Variants in HMCN1 observed in about 807,000 individuals in gnomAD.
HMCN1 encodes the protein hemicentin 1.
In HMCN1, 321 loss-of-function variants were observed where a neutral mutation model predicts 625.9. The observed-to-expected ratio is 0.51, with a 90% CI of 0.47 to 0.56. HMCN1 has a LOEUF of 0.56. Among genes scored for constraint, HMCN1 ranks in the 20% least tolerant of loss-of-function variants. The pLI is 0.00. For synonymous variants in HMCN1, 2,425 were observed against 2,417.6 expected (o/e 1.00, Z -0.09); for missense variants, 6,588 against 6,887.3 (o/e 0.96, Z 1.54).
Position 186,045,714 on chromosome 1 carries a change from C to T in HMCN1, c.6331C>T (p.Gln2111Ter), listed in dbSNP as rs765450462. The T allele has an allele frequency of 6.2e-7, 1 of 1,613,346 alleles. No individual in the cohort carries two copies. The highest frequency in any genetic ancestry group is 8.5e-7 in the Non-Finnish European group (1 of 1,179,482). ...YVPPNIMGEE[Q>*]NVSVLISQAV... ...TCCGCCAAATATTATGGGAGAAGAA[C>T]AGAATGTCTCTGTCCTCATTAGCCA... The change falls in exon 41 of 107, where the codon CAG (glutamine) becomes TAG (stop). Residue 2111 changes from glutamine to a stop codon, truncating the protein, a stop_gained. Coordinates refer to ENST00000271588, the MANE Select transcript of HMCN1 (RefSeq NM_031935.3). LOFTEE classifies it high-confidence loss of function.
At chr1:185,866,650 C>T (rs987796589) in intron 4 of HMCN1, among the ~76,000 whole-genome samples, 3 of 151,798 alleles carry the variant, frequency 2.0e-5, no homozygotes, top group East Asian at 1.9e-4. Context: ...TCGTGATCCG[C>T]CCGCCTCGGC....
At chr1:186,118,470 A>G (rs1276958378) in intron 77 of HMCN1, among the ~76,000 whole-genome samples, 3 of 152,216 alleles carry the variant, frequency 2.0e-5, no homozygotes, top group African/African-American at 7.2e-5. Context: ...TAGAACTTTC[A>G]AAATATTAAA....
intron 102 of HMCN1, among the ~76,000 whole-genome samples, chr1:186,173,510 G>T (rs1027900418): frequency 6.6e-6 from 1 of 151,640 alleles, no homozygotes; most frequent in South Asian, 2.1e-4. Flanking sequence ...GCATGGTGGC[G>T]CATGCCTATA....
intron 106 of HMCN1, among the ~76,000 whole-genome samples, chr1:186,188,707 T>C (rs1653514431): frequency 6.6e-6 from 1 of 152,152 alleles, no homozygotes; most frequent in South Asian, 2.1e-4. Context: ...TTCCTCTTGG[T>C]AATGCTTACC....
At chr1:185,947,686 G>T (rs982788383) in intron 11 of HMCN1, among the ~76,000 whole-genome samples, 2 of 152,130 alleles carry the variant, frequency 1.3e-5, no homozygotes, top group African/African-American at 2.4e-5. Context: ...TGGTTTGTTT[G>T]GTTGATTGGT....
intron 1 of HMCN1, among the ~76,000 whole-genome samples, chr1:185,748,745 G>T (rs889908253): frequency 7.9e-5 from 12 of 152,144 alleles, no homozygotes; most frequent in African/African-American, 2.9e-4. Flanking sequence ...TATCAGTAAA[G>T]TGAGAATAAC....
intron 54 of HMCN1, 114 bp downstream of exon 54, chr1:186,076,736 T>G: frequency 4.9e-6 from 5 of 1,016,080 alleles, no homozygotes; most frequent in Non-Finnish European, 7.6e-6. Context: ...TAACTGGCAG[T>G]TAGACTGCTG....
At chr1:185,841,978 T>G (rs772126079) in intron 1 of HMCN1, among the ~76,000 whole-genome samples, 1 of 152,248 alleles carries the variant, frequency 6.6e-6, no homozygotes, top group Non-Finnish European at 1.5e-5. Flanking sequence ...GAAATCAGTA[T>G]GAATAAATAA....
At chr1:185,929,211 A>G (rs1202060712) in intron 10 of HMCN1, among the ~76,000 whole-genome samples, 1 of 152,164 alleles carries the variant, frequency 6.6e-6, no homozygotes, top group Non-Finnish European at 1.5e-5. Flanking sequence ...TGACATTTAA[A>G]TGGAAGATAA....
At chr1:185,993,455 T>C in intron 23 of HMCN1, 146 bp downstream of exon 23, 1 of 815,220 alleles carries the variant, frequency 1.2e-6, no homozygotes, top group Non-Finnish European at 2.0e-6. Flanking sequence ...CTTGTGATTT[T>C]CTTTTGTTTA....
Position 186,017,009 on chromosome 1 carries a change from G to T in HMCN1, c.5238G>T (p.Val1746=). 1 of 1,610,266 alleles carries T rather than the reference G, an allele frequency of 6.2e-7. No homozygotes were observed. Among genetic ancestry groups the T allele is most frequent in the South Asian group, 1.1e-5 (1 of 91,020 alleles). ...GAGATGAAACATCTTACTTCATTGTGATGGTTAATAACTTACTGGAGCTAG... is the reference window on the plus strand; with the variant it reads ...GAGATGAAACATCTTACTTCATTGTTATGGTTAATAACTTACTGGAGCTAG... ...EGGDETSYFI[V]MVNNLLELDC... is the part of the protein sequence containing the mutation. Residue 1746 remains valine, a synonymous_variant, in exon 33 of 107, where the codon GTG becomes GTT. Transcript: ENST00000271588.
chr1:185,846,050 C>A lies in HMCN1; in HGVS notation c.293C>A (p.Thr98Lys), dbSNP rs769299998. ...GAAATTGGCCCAGTGACAATTACCACAGATCCCAAGAAATTTCAATATGAA... is the reference window on the plus strand; with the variant it reads ...GAAATTGGCCCAGTGACAATTACCAAAGATCCCAAGAAATTTCAATATGAA... ...DPEIGPVTIT[T>K]DPKKFQYELR... The change falls in exon 2 of 107, where the codon ACA (threonine) becomes AAA (lysine). Residue 98 changes from threonine (T) to lysine (K), a missense_variant. By Grantham distance (78) the Thr-to-Lys change is moderately conservative. Around this residue, in one of 3 missense-constraint regions of HMCN1, gnomAD observed 4,628 missense variants for 4,853.1 expected, o/e 0.95. Transcript: ENST00000271588. 3 of 1,611,938 alleles carry A rather than the reference C, an allele frequency of 1.9e-6. No individual in the cohort carries two copies. The Admixed American group carries it at 5.0e-5, about 27-fold the overall frequency.
At chr1:186,086,140 G>A (rs1055748090) in intron 57 of HMCN1, 106 bp from the exon 58 acceptor site, 12 of 1,019,868 alleles carry the variant, frequency 1.2e-5, no homozygotes, top group Middle Eastern at 2.5e-4. Flanking sequence ...GAACAGAATC[G>A]TTAACTCAGT....
chr1:186,184,244 C>G (rs949159232), intron 105 of HMCN1, among the ~76,000 whole-genome samples: 3 of 152,040 alleles, frequency 2.0e-5, no homozygotes, highest in African/African-American at 7.2e-5. Flanking sequence ...ACAATTATGC[C>G]TTTTTCTTTG....
At chr1:185,970,623 A>C in intron 15 of HMCN1, 130 bp downstream of exon 15, 7 of 792,906 alleles carry the variant, frequency 8.8e-6, no homozygotes, top group Non-Finnish European at 1.3e-5. Context: ...ATTTCAGATT[A>C]ATAGAATAAC....
chr1:185,818,671 T>A (rs1168614821), intron 1 of HMCN1, among the ~76,000 whole-genome samples: 1 of 152,168 alleles, frequency 6.6e-6, no homozygotes, highest in Non-Finnish European at 1.5e-5. Context: ...TGCTTGCAAC[T>A]GGCTAAATAT....
In HMCN1 at chr1:186,050,341, G is replaced by A. The variant is rs78172168; in HGVS notation, c.6577+1502G>A. On this transcript the variant is annotated intron_variant, in intron 42 of 106. Transcript: ENST00000271588. ...GTGAAATAAGAGTTAAAAACATAAGGTTGCAATGAAATCACTTGGAGAAGG... is the reference window on the plus strand; with the variant it reads ...GTGAAATAAGAGTTAAAAACATAAGATTGCAATGAAATCACTTGGAGAAGG... 9.1e-3 allele frequency among the ~76,000 whole-genome samples: 1,383 copies of A among 151,950 alleles called. 23 individuals are homozygous for A. The highest frequency in any genetic ancestry group is 0.032 in the African/African-American group (1,334 of 41,498).
chr1:185,794,601 ATTTTTTTTTTTT>A (rs34098989), intron 1 of HMCN1, among the ~76,000 whole-genome samples: 1 of 111,194 alleles, frequency 9.0e-6, no homozygotes, highest in Non-Finnish European at 1.8e-5. Flanking sequence ...GTCTTTACAC[ATTTTTTTTTTTT>A]TTTTTTTTTT....
At chr1:186,002,896 A>G (rs924774415) in intron 28 of HMCN1, among the ~76,000 whole-genome samples, 57 of 152,024 alleles carry the variant, frequency 3.7e-4, no homozygotes, top group African/African-American at 1.4e-3. Flanking sequence ...TCAAATCTAC[A>G]TATTTCCTGT....
Sources: gnomAD v4.1 joint callset for allele counts (sites outside exome capture counted in the v4.1 genomes callset) on GRCh38, gnomAD v4.1.1 for gene constraint, gnomAD v4.1.1 regional missense constraint, MANE v1.5 for transcripts, NCBI Gene and HGNC (gene_info 2026-07-23, HGNC 2026-07-21) for gene names.